Variants in PLCB1 observed in about 807,000 individuals in gnomAD.
PLCB1 encodes phospholipase C beta 1.
In PLCB1, 46 loss-of-function variants were observed where a neutral mutation model predicts 161.8. The ratio of observed to expected loss-of-function variants is 0.28; its 90% CI spans 0.22 to 0.36. PLCB1 has a LOEUF of 0.36. PLCB1 is among the 10% of genes least tolerant of loss of function. The pLI is 1.00. For missense variants in PLCB1, 1,016 were observed against 1,472.5 expected, an observed-to-expected ratio of 0.69 and a Z score of 5.07; for synonymous variants, 517 against 503.7, an observed-to-expected ratio of 1.03 and a Z score of -0.35.
chr20:8,401,284 G>A (rs1600375954), intron 3 of PLCB1, among the ~76,000 whole-genome samples: 1 of 152,100 alleles, frequency 6.6e-6, no homozygotes, highest in East Asian at 1.9e-4. Flanking sequence ...ATGATCTCCA[G>A]CTTTTAATTT....
intron 13 of PLCB1, among the ~76,000 whole-genome samples, chr20:8,716,670 G>A (rs1018498382): frequency 4.6e-5 from 7 of 152,158 alleles, no homozygotes; most frequent in African/African-American, 1.7e-4. Context: ...AGGGAACCTC[G>A]TCACACCTCT....
chr20:8,170,086 C>T (rs1377647225), intron 2 of PLCB1, among the ~76,000 whole-genome samples: 19 of 152,128 alleles, frequency 1.2e-4, no homozygotes, highest in Admixed American at 1.2e-3. Flanking sequence ...GATTCTGCTC[C>T]TGTTCTCTTT....
At chr20:8,365,085 G>A (rs927084459) in intron 2 of PLCB1, among the ~76,000 whole-genome samples, 2 of 152,056 alleles carry the variant, frequency 1.3e-5, no homozygotes, top group Non-Finnish European at 2.9e-5. Context: ...TTCAGTACTC[G>A]CTGCTTGCTA....
chr20:8,145,973 G>C (rs2123024089), intron 1 of PLCB1, among the ~76,000 whole-genome samples: 1 of 152,274 alleles, frequency 6.6e-6, no homozygotes, highest in South Asian at 2.1e-4. Flanking sequence ...TCACAAGGGA[G>C]CCACAGCAGC....
In PLCB1 at chr20:8,298,015, G is replaced by A. The variant is rs573547199; in HGVS notation, c.178-73367G>A. Among the ~76,000 whole-genome samples, 243 of 150,240 alleles carry A rather than the reference G, an allele frequency of 1.6e-3. 1 individual carries two copies. Among genetic ancestry groups the A allele is most frequent in the African/African-American group, 5.9e-3 (239 of 40,738 alleles). ...TTATCTTTAATAAGGTGAAGCAAGA[G>A]GCTGGGTGCTTGGCTCACATCTGTA... On this transcript the variant is annotated intron_variant, in intron 2 of 31. Coordinates refer to ENST00000338037, the MANE Select transcript of PLCB1 (RefSeq NM_015192.4).
chr20:8,378,113 A>G (rs1165758361), intron 3 of PLCB1, among the ~76,000 whole-genome samples: 2 of 152,352 alleles, frequency 1.3e-5, no homozygotes, highest in Middle Eastern at 3.4e-3. Flanking sequence ...ACCAACGTCC[A>G]TCGATGGATG....
At chr20:8,214,624 T>C (rs1451975305) in intron 2 of PLCB1, among the ~76,000 whole-genome samples, 2 of 152,140 alleles carry the variant, frequency 1.3e-5, no homozygotes, top group African/African-American at 2.4e-5. Flanking sequence ...ATTAAAAGGC[T>C]ACTGAACTAT....
intron 3 of PLCB1, among the ~76,000 whole-genome samples, chr20:8,475,907 CA>C (rs369534585): frequency 1.7e-3 from 263 of 152,294 alleles, no homozygotes; most frequent in African/African-American, 6.0e-3. Flanking sequence ...TACAACTCTA[CA>C]AAGACAGTAT....
chr20:8,533,904 A>G (rs930095301), intron 3 of PLCB1, among the ~76,000 whole-genome samples: 1 of 152,078 alleles, frequency 6.6e-6, no homozygotes, highest in Middle Eastern at 3.2e-3. Context: ...TTTTGTTGAC[A>G]TTGCTTTTGG....
chr20:8,446,100 G>A (rs1418717114), intron 3 of PLCB1, among the ~76,000 whole-genome samples: 3 of 150,250 alleles, frequency 2.0e-5, no homozygotes, highest in South Asian at 2.1e-4. Context: ...CAGAGACACA[G>A]CAAAAAAAAG....
At chr20:8,148,851 T>A (rs2051481098) in intron 1 of PLCB1, among the ~76,000 whole-genome samples, 1 of 152,190 alleles carries the variant, frequency 6.6e-6, no homozygotes, top group South Asian at 2.1e-4. Flanking sequence ...CTCCAATTAT[T>A]TAATTACCTG....
intron 11 of PLCB1, among the ~76,000 whole-genome samples, chr20:8,700,608 T>C (rs1990679463): frequency 6.6e-6 from 1 of 152,216 alleles, no homozygotes; most frequent in South Asian, 2.1e-4. Context: ...AGAATGCTGC[T>C]TTCTCTCTCT....
chr20:8,227,428 G>A (rs1336015165), intron 2 of PLCB1, among the ~76,000 whole-genome samples: 1 of 152,064 alleles, frequency 6.6e-6, no homozygotes, highest in Non-Finnish European at 1.5e-5. Context: ...TAAGCCTCTG[G>A]TTTCCTCTCA....
chr20:8,549,502 T>C (rs1985697400), intron 3 of PLCB1, among the ~76,000 whole-genome samples: 1 of 152,196 alleles, frequency 6.6e-6, no homozygotes, highest in Non-Finnish European at 1.5e-5. Context: ...TCCCCATGTG[T>C]TGAGGGCAGG....
chr20:8,432,205 G>A (rs762211012), intron 3 of PLCB1, among the ~76,000 whole-genome samples: 2 of 152,126 alleles, frequency 1.3e-5, no homozygotes, highest in African/African-American at 2.4e-5. Flanking sequence ...GGGACGCTCC[G>A]CAAGGCCAGA....
chr20:8,733,238 A>C lies in PLCB1; in HGVS notation c.1889A>C (p.Asp630Ala). The C allele has an allele frequency of 6.2e-7, 1 of 1,613,718 alleles. No homozygotes were observed. Among genetic ancestry groups the C allele is most frequent in the Non-Finnish European group, 8.5e-7 (1 of 1,179,734 alleles). Reference sequence around the variant, plus strand: ...TAAGGCTTGTGTTTTTGATACTCAGACCTGGCTATGCAAATAAATATGGGG... The same window carrying C: ...TAAGGCTTGTGTTTTTGATACTCAGCCCTGGCTATGCAAATAAATATGGGG... ...QMVALNFQTM[D>A]LAMQINMGMY... The change falls in exon 19 of 32, where the codon GAC becomes GCC. Residue 630 changes from aspartate (D) to alanine (A), a missense_variant and splice_region_variant. Physicochemically the swap from Asp to Ala is moderately radical, Grantham distance 126. Transcript: ENST00000338037.
At chr20:8,360,442 C>G (rs542691970) in intron 2 of PLCB1, among the ~76,000 whole-genome samples, 77 of 152,060 alleles carry the variant, frequency 5.1e-4, no homozygotes, top group Non-Finnish European at 7.9e-4. Context: ...GATTTTTTTT[C>G]AATCATTCAT....
At chr20:8,366,626 T>G (rs1302555510) in intron 2 of PLCB1, among the ~76,000 whole-genome samples, 1 of 152,226 alleles carries the variant, frequency 6.6e-6, no homozygotes, top group Non-Finnish European at 1.5e-5. Flanking sequence ...TCCATGCTGT[T>G]AATTCATTTT....
chr20:8,819,242 A>T (rs1985221086), intron 31 of PLCB1, among the ~76,000 whole-genome samples: 1 of 152,208 alleles, frequency 6.6e-6, no homozygotes, highest in Non-Finnish European at 1.5e-5. Flanking sequence ...TTTATGAGAG[A>T]GATGGCACTG....
Sources: allele counts gnomAD v4.1 joint callset (sites outside exome capture counted in the v4.1 genomes callset), GRCh38; gene constraint gnomAD v4.1.1; transcripts MANE v1.5; gene names NCBI Gene and HGNC (gene_info 2026-07-23, HGNC 2026-07-21).